Variants in SUGCT observed in about 807,000 individuals in gnomAD.
SUGCT encodes succinyl-CoA:glutarate CoA-transferase.
Under a neutral mutation model 55.0 loss-of-function variants are expected in SUGCT, and 41 were observed. The observed-to-expected ratio is 0.74, with a 90% confidence interval of 0.58 to 0.97. The LOEUF is 0.97. SUGCT is among the 50% of genes least tolerant of loss of function. The pLI is 0.00. For missense variants in SUGCT, 568 were observed against 547.8 expected, an observed-to-expected ratio of 1.04 and a Z score of -0.37; for synonymous variants, 187 against 200.4, an observed-to-expected ratio of 0.93 and a Z score of 0.56.
At chr7:40,642,811 G>A (rs1800329334) in intron 12 of SUGCT, among the ~76,000 whole-genome samples, 1 of 152,046 alleles carries the variant, frequency 6.6e-6, no homozygotes, top group Non-Finnish European at 1.5e-5. Flanking sequence ...TGTTTGTTTA[G>A]AAACACCCAC....
At position 40,514,710 on chromosome 7, in the gene SUGCT, C is replaced by CAA. The variant is rs914527174; in HGVS notation, c.1089+18349_1089+18350dup. Among the ~76,000 whole-genome samples, 51 of 13,890 alleles carry CAA rather than the reference C, an allele frequency of 3.7e-3. 10 individuals carry two copies. The highest frequency in any genetic ancestry group is 0.013 in the East Asian group (7 of 558). 9.1% of individuals were successfully genotyped at this position (13,890 alleles called of 152,430 possible). A position where few individuals can be genotyped will look rare whatever the true frequency, so the allele number is the denominator to read the frequency against. On this transcript the variant is annotated intron_variant, in intron 12 of 13. Transcript: ENST00000335693. ...GGGCAACAAGAGCGAAACTCCGTCT[C>CAA]AAAAAAAAAAAAAAAAAAAAAAAAA...
intron 9 of SUGCT, among the ~76,000 whole-genome samples, chr7:40,346,508 G>A (rs1487814997): frequency 6.6e-6 from 1 of 152,152 alleles, no homozygotes; most frequent in Non-Finnish European, 1.5e-5. Context: ...TTCTGGTTGT[G>A]TGATCTTAAG....
chr7:40,616,624 T>G (rs1296404942), intron 12 of SUGCT, among the ~76,000 whole-genome samples: 1 of 152,220 alleles, frequency 6.6e-6, no homozygotes, highest in African/African-American at 2.4e-5. Context: ...GGGGAGTAAG[T>G]AGTCCACTTG....
chr7:40,970,242 A>C, the SUGCT span, among the ~76,000 whole-genome samples: 1 of 151,942 alleles, frequency 6.6e-6, no homozygotes, highest in Non-Finnish European at 1.5e-5. Flanking sequence ...CGCGATGTCA[A>C]CTCACTGCAA....
chr7:40,489,247 G>GTT (rs34447989), intron 11 of SUGCT, among the ~76,000 whole-genome samples: 25 of 134,796 alleles, frequency 1.9e-4, no homozygotes, highest in African/African-American at 4.2e-4. Flanking sequence ...CTCTATTGCA[G>GTT]TTTTTTTTTT....
At chr7:40,227,585 T>C (rs1788455529) in intron 6 of SUGCT, among the ~76,000 whole-genome samples, 1 of 152,156 alleles carries the variant, frequency 6.6e-6, no homozygotes. Context: ...TCCTCTTGCC[T>C]TGGCTTCCCA....
intron 12 of SUGCT, among the ~76,000 whole-genome samples, chr7:40,603,699 A>T (rs1798401322): frequency 6.6e-6 from 1 of 152,150 alleles, no homozygotes. Context: ...GAAATGAGAA[A>T]AATTCCCCTT....
At chr7:40,303,564 A>C (rs979208273) in intron 8 of SUGCT, among the ~76,000 whole-genome samples, 4 of 151,224 alleles carry the variant, frequency 2.6e-5, no homozygotes, top group African/African-American at 7.3e-5. Flanking sequence ...ACTCACTGCA[A>C]CCTTTGCCTC....
intron 8 of SUGCT, among the ~76,000 whole-genome samples, chr7:40,299,717 A>G (rs556025521): frequency 1.3e-3 from 204 of 152,282 alleles, no homozygotes; most frequent in African/African-American, 4.8e-3. Flanking sequence ...CAGTAAACTG[A>G]TAATACTTCT....
intron 12 of SUGCT, among the ~76,000 whole-genome samples, chr7:40,695,317 A>T (rs1784877819): frequency 6.6e-6 from 1 of 150,674 alleles, no homozygotes; most frequent in Non-Finnish European, 1.5e-5. Flanking sequence ...CCCACCTCAG[A>T]CTCCTGCATA....
At chr7:40,408,142 TAC>T (rs1562754914) in intron 9 of SUGCT, among the ~76,000 whole-genome samples, 1 of 152,168 alleles carries the variant, frequency 6.6e-6, no homozygotes, top group Non-Finnish European at 1.5e-5. Context: ...CAACATTAAT[TAC>T]AGTTACCTCC....
intron 6 of SUGCT, among the ~76,000 whole-genome samples, chr7:40,214,847 G>C (rs1294105545): frequency 6.6e-6 from 1 of 151,914 alleles, no homozygotes; most frequent in Non-Finnish European, 1.5e-5. Flanking sequence ...CCGGGAGGCG[G>C]AGGTTGCAGT....
chr7:40,544,533 C>A (rs919464965), intron 12 of SUGCT, among the ~76,000 whole-genome samples: 1 of 152,192 alleles, frequency 6.6e-6, no homozygotes, highest in Non-Finnish European at 1.5e-5. Flanking sequence ...ATTTCACATT[C>A]TCTTCTTTTT....
Position 40,237,668 on chromosome 7 carries a change from C to T in SUGCT, c.518C>T (p.Ala173Val), listed in dbSNP as rs375255318. The T allele has an allele frequency of 5.6e-5, 90 of 1,613,894 alleles. 1 individual carries two copies. The Middle Eastern group carries it at 9.9e-4, about 18-fold the overall frequency. ...YGQTGPISQR[A>V]GYDAVASAVS... ...CAGACAGGTCCAATTTCTCAGCGAG[C>T]TGGTTATGATGCTGTTGCCTCGGCT... is the stretch of plus-strand genomic sequence containing the variant. The change falls in exon 7 of 14, where the codon GCT becomes GTT. Residue 173 changes from alanine (A) to valine (V), a missense_variant. Physicochemically the swap from Ala to Val is moderately conservative, Grantham distance 64 (BLOSUM62 0). Transcript: ENST00000335693.
chr7:40,373,817 G>A (rs137879606), intron 9 of SUGCT, among the ~76,000 whole-genome samples: 5 of 152,176 alleles, frequency 3.3e-5, no homozygotes, highest in Non-Finnish European at 7.4e-5. Flanking sequence ...TAACAGGAGT[G>A]ATAGAAATCT....
intron 12 of SUGCT, among the ~76,000 whole-genome samples, chr7:40,686,239 A>G (rs2151892801): frequency 6.6e-6 from 1 of 152,258 alleles, no homozygotes; most frequent in Middle Eastern, 3.4e-3. Flanking sequence ...GCTCTGGATA[A>G]AAACCAAAAG....
intron 13 of SUGCT, among the ~76,000 whole-genome samples, chr7:40,763,640 G>C (rs563606903): frequency 1.5e-3 from 224 of 152,268 alleles, no homozygotes; most frequent in African/African-American, 5.2e-3. Flanking sequence ...GTTGCACAGA[G>C]AATGAGATTG....
chr7:40,963,244 T>A, the SUGCT span, among the ~76,000 whole-genome samples: 1 of 152,140 alleles, frequency 6.6e-6, no homozygotes, highest in African/African-American at 2.4e-5. Context: ...AAAGGTATCA[T>A]GGACTCCCCA....
chr7:41,017,227 C>T, the SUGCT span, among the ~76,000 whole-genome samples: 2 of 152,090 alleles, frequency 1.3e-5, no homozygotes, highest in Non-Finnish European at 2.9e-5. Context: ...TCCCCTAAAA[C>T]TTTGACATTC....
Sources: gnomAD v4.1 joint callset for allele counts (sites outside exome capture counted in the v4.1 genomes callset) on GRCh38, gnomAD v4.1.1 for gene constraint, MANE v1.5 for transcripts, NCBI Gene and HGNC (gene_info 2026-07-23, HGNC 2026-07-21) for gene names.